Variants in TFDP1 observed in about 807,000 individuals in gnomAD.
The protein encoded by TFDP1 is transcription factor Dp-1.
A neutral mutation model predicts 48.0 loss-of-function variants in TFDP1; 6 were observed. That is an observed-to-expected ratio of 0.13 (90% CI 0.07 to 0.25). The LOEUF (loss-of-function observed/expected upper bound fraction) is 0.25. TFDP1 is among the 10% of genes least tolerant of loss of function. The pLI, the probability that TFDP1 is intolerant of heterozygous loss-of-function variation, is 1.00. For synonymous variants in TFDP1, 201 were observed against 211.6 expected (o/e 0.95, Z 0.44); for missense variants, 335 against 543.0 (o/e 0.62, Z 3.81).
rs554179722 is a variant in TFDP1, at chr13:113,596,990, C to T, written c.12+11141C>T. On this transcript the variant is annotated intron_variant, in intron 2 of 11. Transcript: ENST00000375370. ...ATCCTTGTGGGTGGGCGTCAAACCC[C>T]GCACCTGAGTCTGCTGCGGCTCTGG... 3.3e-5 allele frequency among the ~76,000 whole-genome samples: 5 copies of T among 152,290 alleles called. No homozygotes were observed. The South Asian group carries it at 8.3e-4, about 25-fold the overall frequency.
intron 2 of TFDP1, among the ~76,000 whole-genome samples, chr13:113,600,502 G>T (rs988361247): frequency 1.2e-4 from 18 of 149,926 alleles, no homozygotes; most frequent in African/African-American, 4.4e-4. Context: ...ATCCTTGTAC[G>T]TAGGGCTCCA....
At chr13:113,585,528 A>C in intron 1 of TFDP1, 2 of 252,682 alleles carry the variant, frequency 7.9e-6, no homozygotes, top group East Asian at 7.6e-5. Context: ...GCCGTCGGGG[A>C]CCTGGGGGTA....
rs756836505 is a variant in TFDP1 at position 113,610,589 on chromosome 13, G to A, written c.13-407G>A. 5.3e-5 allele frequency among the ~76,000 whole-genome samples: 8 copies of A among 150,930 alleles called. No individual in the cohort carries two copies. In the East Asian group the frequency reaches 5.9e-4, roughly 11 times the overall value. ...TGTGCCCCCGCTGTGTGGCTGTGCC[G>A]TCACGTGTGTACCCCTGCTTTGTGG... On this transcript the variant is annotated intron_variant, in intron 2 of 11. Transcript: ENST00000375370.
intron 2 of TFDP1, among the ~76,000 whole-genome samples, chr13:113,610,348 C>T (rs1201320277): frequency 3.9e-5 from 6 of 152,048 alleles, no homozygotes; most frequent in African/African-American, 7.2e-5. Context: ...TGCGTGTGCC[C>T]CCACCGTGTG....
intron 3 of TFDP1, among the ~76,000 whole-genome samples, chr13:113,621,985 G>C (rs1041107435): frequency 2.6e-5 from 4 of 152,210 alleles, no homozygotes; most frequent in African/African-American, 9.7e-5. Context: ...ATTAGTGAAA[G>C]TACTAAAAGT....
At chr13:113,631,815 C>A (rs1053158868) in intron 5 of TFDP1, 71 bp downstream of exon 5, 8 of 1,584,620 alleles carry the variant, frequency 5.0e-6, no homozygotes, top group South Asian at 1.1e-5. Flanking sequence ...TTCTCCTGGG[C>A]CACGTGTGTC....
chr13:113,637,974 C>T, intron 11 of TFDP1, 78 bp downstream of exon 11: 1 of 1,559,356 alleles, frequency 6.4e-7, no homozygotes, highest in Non-Finnish European at 8.7e-7. Context: ...GGGCAGCCGT[C>T]TCAGGTGTGG....
Position 113,632,663 on chromosome 13 carries a change from A to G in TFDP1, c.309-457A>G, listed in dbSNP as rs138090637. ...TGTGGTGGCACGTGCCTGTAATCCC[A>G]GCTACTCGGGAGGCTGAGGCAGGAG... is the stretch of plus-strand genomic sequence containing the variant. On this transcript the variant is annotated intron_variant, in intron 5 of 11. Transcript: ENST00000375370. Among the ~76,000 whole-genome samples, 1,114 of 152,322 alleles carry G rather than the reference A, an allele frequency of 7.3e-3. 16 individuals carry two copies. Among genetic ancestry groups the G allele is most frequent in the African/African-American group, 0.025 (1,050 of 41,572 alleles).
intron 2 of TFDP1, among the ~76,000 whole-genome samples, chr13:113,609,216 G>A (rs2048645925): frequency 6.6e-6 from 1 of 152,190 alleles, no homozygotes; most frequent in African/African-American, 2.4e-5. Flanking sequence ...CGCCGTCTGT[G>A]GGCCCCTGGG....
rs1226984780 is a variant in TFDP1, at chr13:113,598,930, T to C, written c.13-12066T>C. ...TAGAAAATGAAATCGCCTTATTGCTTTGTTCGGTTATGAAAATGGAAAGTT... is the reference window on the plus strand; with the variant it reads ...TAGAAAATGAAATCGCCTTATTGCTCTGTTCGGTTATGAAAATGGAAAGTT... On this transcript the variant is annotated intron_variant, in intron 2 of 11. Transcript: ENST00000375370. This position sits in a 1 kb window ranked among gnomAD's most constrained non-coding sequence, Gnocchi z 4.2. Among the ~76,000 whole-genome samples the C allele has an allele frequency of 2.0e-5, 3 of 152,194 alleles. No individual in the cohort carries two copies. The highest frequency in any genetic ancestry group is 1.3e-4 in the Admixed American group (2 of 15,278).
At chr13:113,593,077 G>A (rs1225084521) in intron 2 of TFDP1, among the ~76,000 whole-genome samples, 1 of 145,026 alleles carries the variant, frequency 6.9e-6, no homozygotes, top group Non-Finnish European at 1.5e-5. Flanking sequence ...GGTGTGGTGT[G>A]CGCGGGTCCT....
intron 8 of TFDP1, among the ~76,000 whole-genome samples, chr13:113,635,622 A>G (rs2049463907): frequency 1.3e-5 from 2 of 152,142 alleles, no homozygotes. Context: ...CTCCAAGGCC[A>G]TCACCCTGTA....
intron 2 of TFDP1, among the ~76,000 whole-genome samples, chr13:113,606,154 G>A (rs1594447383): frequency 2.0e-5 from 3 of 150,634 alleles, no homozygotes; most frequent in Admixed American, 6.6e-5. Flanking sequence ...AGGCGGCGCG[G>A]TGATGAGTGT....
Position 113,600,719 on chromosome 13 carries a change from C to T in TFDP1, c.13-10277C>T, listed in dbSNP as rs1252479254. Among the ~76,000 whole-genome samples, 4 of 144,392 alleles carry T rather than the reference C, an allele frequency of 2.8e-5. No individual in the cohort carries two copies. The Admixed American group carries it at 2.8e-4, about 10-fold the overall frequency. The allele number at this position is 144,392 out of a possible 152,430, so 94.7% of individuals were successfully genotyped here. On this transcript the variant is annotated intron_variant, in intron 2 of 11. Coordinates refer to ENST00000375370, the MANE Select transcript of TFDP1 (RefSeq NM_007111.5). The stretch of plus-strand genomic sequence containing the variant: ...AGAGAGAATCCTTGCATGTAGGGCT[C>T]CAGGACCATGAGAGAGAACCCTCAC...
intron 4 of TFDP1, among the ~76,000 whole-genome samples, chr13:113,630,910 C>A (rs537512562): frequency 6.6e-6 from 1 of 152,276 alleles, no homozygotes; most frequent in Non-Finnish European, 1.5e-5. Flanking sequence ...TCTGGTGGTT[C>A]CCCCCAGAGG....
chr13:113,592,859 A>C (rs958744425), intron 2 of TFDP1, among the ~76,000 whole-genome samples: 8 of 150,520 alleles, frequency 5.3e-5, no homozygotes, highest in Non-Finnish European at 1.2e-4. Flanking sequence ...AGCTGTGCCC[A>C]AGAGACAGTT....
At chr13:113,614,686 T>C (rs1348577267) in intron 3 of TFDP1, among the ~76,000 whole-genome samples, 1 of 152,212 alleles carries the variant, frequency 6.6e-6, no homozygotes, top group Non-Finnish European at 1.5e-5. Context: ...TGTCTCTTCC[T>C]GCTGCTGCTG....
rs1013477509 is a variant in TFDP1, at chr13:113,607,758, G to A, written c.13-3238G>A. 1.3e-5 allele frequency among the ~76,000 whole-genome samples: 2 copies of A among 152,198 alleles called. No individual in the cohort carries two copies. Among genetic ancestry groups the A allele is most frequent in the Admixed American group, 1.3e-4 (2 of 15,280 alleles). ...GCAAGGAGGGGCTGTGCCAGTGGGT[G>A]GCGGTGACGGGGGCCAGTGGTTTCC... On this transcript the variant is annotated intron_variant, in intron 2 of 11. Coordinates refer to ENST00000375370, the MANE Select transcript of TFDP1 (RefSeq NM_007111.5). This position sits in a 1 kb window ranked among gnomAD's most constrained non-coding sequence, Gnocchi z 5.2.
At chr13:113,593,037 G>C (rs1473669488) in intron 2 of TFDP1, among the ~76,000 whole-genome samples, 1 of 143,058 alleles carries the variant, frequency 7.0e-6, no homozygotes, top group Admixed American at 7.0e-5. Context: ...GGCGTGATGC[G>C]TGTGGGTCCT....
Sources: gnomAD v4.1 joint callset for allele counts (sites outside exome capture counted in the v4.1 genomes callset) on GRCh38, gnomAD v4.1.1 for gene constraint, Gnocchi (gnomAD v3.1) non-coding constraint, MANE v1.5 for transcripts, NCBI Gene and HGNC (gene_info 2026-07-23, HGNC 2026-07-21) for gene names.